TSN: variants seen among roughly 807,000 people sequenced by gnomAD.
The protein encoded by TSN is component 3 of promoter of RISC.
A neutral mutation model predicts 29.4 loss-of-function variants in TSN; 5 were observed. The observed-to-expected ratio is 0.17, with a 90% CI of 0.09 to 0.36. The LOEUF is 0.36. Ranked by LOEUF, TSN falls within the 10% of genes least tolerant of loss-of-function variation. The pLI is 1.00. For synonymous variants in TSN, 106 were observed against 102.2 expected, an observed-to-expected ratio of 1.04 and a Z score of -0.23; for missense variants, 159 against 272.8, an observed-to-expected ratio of 0.58 and a Z score of 2.94.
chr2:121,763,299 C>T (rs978042804), intron 5 of TSN, among the ~76,000 whole-genome samples: 13 of 152,046 alleles, frequency 8.6e-5, no homozygotes, highest in Admixed American at 5.2e-4. Flanking sequence ...CCCGCCACCA[C>T]ACCCGGCTAA....
At chr2:121,758,946 T>G (rs2074784897) in intron 3 of TSN, 140 bp downstream of exon 3, 2 of 477,100 alleles carry the variant, frequency 4.2e-6, no homozygotes, top group South Asian at 1.8e-4. Flanking sequence ...CTAATAATGG[T>G]CATGACAAAA....
At chr2:121,757,659 A>AT (rs112899133) in intron 2 of TSN, 4,556 of 200,942 alleles carry the variant, frequency 0.023, no homozygotes, top group South Asian at 0.063. Context: ...TATTTTTTTA[A>AT]TTTTTTTTTT....
At chr2:121,764,467 A>G (rs1236469520) in intron 5 of TSN, among the ~76,000 whole-genome samples, 1 of 152,094 alleles carries the variant, frequency 6.6e-6, no homozygotes, top group Non-Finnish European at 1.5e-5. Context: ...ACAAACAAAA[A>G]ACCCGTATGT....
chr2:121,765,002 T>G (rs2074883576), intron 5 of TSN, 132 bp from the exon 6 acceptor site: 1 of 783,236 alleles, frequency 1.3e-6, no homozygotes, highest in Non-Finnish European at 2.1e-6. Context: ...TTGTCTGTAC[T>G]TGTGTGTACC....
Position 121,766,866 on chromosome 2 carries a change from A to G in TSN, c.*1499A>G, listed in dbSNP as rs2074908989. The G allele has an allele frequency of 6.6e-6, 1 of 152,304 alleles. No individual in the cohort carries two copies. Among genetic ancestry groups the G allele is most frequent in the Middle Eastern group, 3.4e-3 (1 of 294 alleles). 9.4% of individuals were successfully genotyped at this position (152,304 alleles called of 1,614,324 possible). Reference sequence around the variant, plus strand: ...AGTTAAAGGCTGACTACATTTTTTCATCATGAGGAAAGCAGTTGAAATGAG... The same window carrying G: ...AGTTAAAGGCTGACTACATTTTTTCGTCATGAGGAAAGCAGTTGAAATGAG... On this transcript the variant is annotated 3_prime_UTR_variant, in exon 6 of 6. Coordinates refer to ENST00000389682, the MANE Select transcript of TSN (RefSeq NM_004622.3).
intron 1 of TSN, chr2:121,756,072 T>TAC (rs1394140376): frequency 1.1e-6 from 1 of 914,792 alleles, no homozygotes; most frequent in African/African-American, 1.7e-5. Flanking sequence ...TTGCCTCGTT[T>TAC]GTGTCAGTTT....
chr2:121,758,176 G>A (rs1290619313), intron 2 of TSN, among the ~76,000 whole-genome samples: 1 of 152,140 alleles, frequency 6.6e-6, no homozygotes, highest in East Asian at 1.9e-4. Context: ...AATAAAATAT[G>A]TCAAGTTTAG....
chr2:121,759,539 C>T (rs1299209638), intron 3 of TSN, among the ~76,000 whole-genome samples: 2 of 151,480 alleles, frequency 1.3e-5, no homozygotes, highest in African/African-American at 2.4e-5. Context: ...ACCAGGCAGG[C>T]GGAGGTTGCA....
chr2:121,756,751 A>G lies in TSN; in HGVS notation c.67-489A>G, dbSNP rs991978361. The G allele has an allele frequency of 7.5e-6, 4 of 535,032 alleles. No individual in the cohort carries two copies. The Admixed American group carries it at 1.6e-4, about 22-fold the overall frequency. 33.1% of individuals were successfully genotyped at this position (535,032 alleles called of 1,614,324 possible). On this transcript the variant is annotated intron_variant, in intron 1 of 5. Transcript: ENST00000389682. The stretch of plus-strand genomic sequence containing the variant: ...GAAACCCTGTCTCTACTAAAAATAT[A>G]AAAGAACATTAACTGGGCATGGTTG...
In TSN at chr2:121,755,692, C is replaced by A. The variant is rs1185956973; in HGVS notation, c.-88C>A. On this transcript the variant is annotated 5_prime_UTR_variant, in exon 1 of 6. Transcript: ENST00000389682. ...CGGGGGGACGCGGCGGTAGCGGCGGCCGTTGCGATTGATTGCGCTGGTTGC... is the reference window on the plus strand; with the variant it reads ...CGGGGGGACGCGGCGGTAGCGGCGGACGTTGCGATTGATTGCGCTGGTTGC... The A allele has an allele frequency of 6.5e-7, 1 of 1,542,638 alleles. No individual in the cohort carries two copies. The highest frequency in any genetic ancestry group is 1.1e-5 in the South Asian group (1 of 89,570).
Position 121,765,454 on chromosome 2 carries a change from C to T in TSN, c.*87C>T. The T allele has an allele frequency of 8.2e-7, 1 of 1,219,506 alleles. No individual in the cohort carries two copies. Among genetic ancestry groups the T allele is most frequent in the East Asian group, 2.3e-5 (1 of 42,644 alleles). The allele number at this position is 1,219,506 out of a possible 1,614,324, so 75.5% of individuals were successfully genotyped here. A position where few individuals can be genotyped will look rare whatever the true frequency, so the allele number is the denominator to read the frequency against. On this transcript the variant is annotated 3_prime_UTR_variant, in exon 6 of 6. Coordinates refer to ENST00000389682, the MANE Select transcript of TSN (RefSeq NM_004622.3). ...AGTGCCTCTTACGGTAGTTAGGATG[C>T]TCAGTTGCTAAACACTGCGCTTTAT... is the stretch of plus-strand genomic sequence containing the variant.
chr2:121,765,109 C>T (rs751100748), intron 5 of TSN, 25 bp from the exon 6 acceptor site: 15 of 1,607,974 alleles, frequency 9.3e-6, no homozygotes, highest in Non-Finnish European at 1.2e-5. Context: ...TGTAACAAGC[C>T]CCTGTTTTCT....
intron 3 of TSN, among the ~76,000 whole-genome samples, chr2:121,761,101 C>A (rs1333581790): frequency 6.6e-6 from 1 of 152,252 alleles, no homozygotes; most frequent in South Asian, 2.1e-4. Context: ...AACTCCTTAC[C>A]TCAGATTGAT....
chr2:121,761,415 T>C lies in TSN; in HGVS notation c.264T>C (p.His88=), dbSNP rs752226525. ...TGTGCTTATTTTCATGCAGATTTCA[T>C]GAGCACTGGAGGTTTGTGTTGCAGC... The part of the protein sequence containing the change: ...KFPAEQYYRF[H]EHWRFVLQRL... Residue 88 remains histidine (H), a synonymous_variant, in exon 4 of 6, where the codon CAT becomes CAC. Coordinates refer to ENST00000389682, the MANE Select transcript of TSN (RefSeq NM_004622.3). 1.2e-6 allele frequency: 2 copies of C among 1,613,906 alleles called. No individual in the cohort carries two copies. Among genetic ancestry groups the C allele is most frequent in the Non-Finnish European group, 8.5e-7 (1 of 1,179,768 alleles).
chr2:121,765,036 T>C, intron 5 of TSN, 98 bp from the exon 6 acceptor site: 1 of 1,058,142 alleles, frequency 9.5e-7, no homozygotes, highest in Non-Finnish European at 1.4e-6. Flanking sequence ...TCAGCGTGGC[T>C]GTCTAGGCTT....
At chr2:121,757,425 A>G in intron 2 of TSN, 92 bp downstream of exon 2, 1 of 1,582,054 alleles carries the variant, frequency 6.3e-7, no homozygotes, top group Non-Finnish European at 8.6e-7. Flanking sequence ...AATGGCTATC[A>G]TGCTTTATGG....
intron 1 of TSN, chr2:121,756,713 T>A: frequency 1.1e-6 from 1 of 915,940 alleles, no homozygotes; most frequent in Non-Finnish European, 1.5e-6. Flanking sequence ...GAGACCAGCC[T>A]GGCCAACATG....
At chr2:121,756,576 G>A (rs2074751499) in intron 1 of TSN, 7 of 1,233,028 alleles carry the variant, frequency 5.7e-6, no homozygotes, top group Non-Finnish European at 7.6e-6. Context: ...TTTACACAGT[G>A]CCTCGCACAT....
intron 5 of TSN, among the ~76,000 whole-genome samples, chr2:121,764,018 C>T (rs1410079702): frequency 6.6e-6 from 1 of 152,186 alleles, no homozygotes; most frequent in Non-Finnish European, 1.5e-5. Flanking sequence ...CATCTTCACT[C>T]TAGCCAGCAG....
Sources: gnomAD v4.1 joint callset for allele counts (sites outside exome capture counted in the v4.1 genomes callset) on GRCh38, gnomAD v4.1.1 for gene constraint, MANE v1.5 for transcripts, NCBI Gene and HGNC (gene_info 2026-07-23, HGNC 2026-07-21) for gene names.